The following ADGRB3 variants were observed in gnomAD, a reference collection of about 807,000 sequenced individuals.
ADGRB3 encodes the protein adhesion G protein-coupled receptor B3.
In ADGRB3, 37 loss-of-function variants were observed where a neutral mutation model predicts 193.4. The observed-to-expected ratio is 0.19, with a 90% CI of 0.15 to 0.25. The LOEUF is 0.25. Among genes scored for constraint, ADGRB3 ranks in the 10% least tolerant of loss-of-function variants. The pLI is 1.00. For synonymous variants in ADGRB3, 690 were observed against 644.2 expected (o/e 1.07, Z -1.08); for missense variants, 1,637 against 1,852.9 (o/e 0.88, Z 2.14).
intron 3 of ADGRB3, among the ~76,000 whole-genome samples, chr6:68,773,819 A>G (rs1766685047): frequency 6.6e-6 from 1 of 152,112 alleles, no homozygotes; most frequent in Non-Finnish European, 1.5e-5. Flanking sequence ...GGTAGCAGCA[A>G]GACCTGGAGA....
intron 3 of ADGRB3, among the ~76,000 whole-genome samples, chr6:68,714,501 A>T (rs894492396): frequency 2.0e-5 from 3 of 151,834 alleles, no homozygotes; most frequent in Non-Finnish European, 4.4e-5. Context: ...GAGGAGGTAG[A>T]AAAAACACAG....
chr6:69,006,838 C>CT lies in ADGRB3; in HGVS notation c.1930-7192dup, dbSNP rs970014363. 2.7e-4 allele frequency among the ~76,000 whole-genome samples: 41 copies of CT among 151,924 alleles called. No homozygotes were observed. The East Asian group carries it at 5.0e-3, about 19-fold the overall frequency. Reference sequence around the variant, plus strand: ...CCTGCTTTCTTTCTTACTTCGTCATCTTTTTTTTATTTATTTCTCTTCTTA... The same window carrying CT: ...CCTGCTTTCTTTCTTACTTCGTCATCTTTTTTTTTATTTATTTCTCTTCTTA... On this transcript the variant is annotated intron_variant, in intron 11 of 31. Transcript: ENST00000370598.
At chr6:69,357,563 A>G (rs1158067782) in intron 28 of ADGRB3, among the ~76,000 whole-genome samples, 1 of 151,982 alleles carries the variant, frequency 6.6e-6, no homozygotes, top group Non-Finnish European at 1.5e-5. Flanking sequence ...CCTTACTGCC[A>G]GCAGACCTCC....
At chr6:69,000,613 A>G (rs1769546232) in intron 11 of ADGRB3, among the ~76,000 whole-genome samples, 1 of 152,168 alleles carries the variant, frequency 6.6e-6, no homozygotes, top group Non-Finnish European at 1.5e-5. Flanking sequence ...AAAAGTATGA[A>G]ACATGTGGCA....
intron 20 of ADGRB3, among the ~76,000 whole-genome samples, chr6:69,280,559 A>C (rs1457554039): frequency 6.6e-6 from 1 of 152,210 alleles, no homozygotes; most frequent in Non-Finnish European, 1.5e-5. Flanking sequence ...AGATAATAAT[A>C]AATCTACTTC....
intron 3 of ADGRB3, among the ~76,000 whole-genome samples, chr6:68,860,241 T>G (rs1428116552): frequency 6.6e-6 from 1 of 152,168 alleles, no homozygotes; most frequent in African/African-American, 2.4e-5. Context: ...TTTATTTTAT[T>G]TTACTTTTTA....
chr6:69,029,451 C>T (rs1192773272), intron 13 of ADGRB3, among the ~76,000 whole-genome samples: 1 of 152,166 alleles, frequency 6.6e-6, no homozygotes, highest in East Asian at 1.9e-4. Flanking sequence ...CATTCTAAGG[C>T]ACATAATTTC....
intron 17 of ADGRB3, among the ~76,000 whole-genome samples, chr6:69,118,496 C>G (rs1264948706): frequency 1.3e-5 from 2 of 152,130 alleles, no homozygotes; most frequent in Non-Finnish European, 2.9e-5. Context: ...CACCCATCTT[C>G]TCTCCTCCTT....
chr6:69,133,156 G>A (rs1290427409), intron 17 of ADGRB3, among the ~76,000 whole-genome samples: 1 of 152,002 alleles, frequency 6.6e-6, no homozygotes, highest in Non-Finnish European at 1.5e-5. Flanking sequence ...TTCTAATTCT[G>A]TGAAGAAAGT....
intron 26 of ADGRB3, among the ~76,000 whole-genome samples, chr6:69,340,708 T>G (rs1041830111): frequency 1.3e-5 from 2 of 152,176 alleles, no homozygotes; most frequent in African/African-American, 4.8e-5. Flanking sequence ...GGTGGTTTGC[T>G]GCACCCATCA....
intron 22 of ADGRB3, 127 bp from the exon 23 acceptor site, chr6:69,330,379 A>T: frequency 1.9e-6 from 1 of 526,270 alleles, no homozygotes; most frequent in Non-Finnish European, 3.2e-6. Context: ...TGTATTTTTT[A>T]TTACAAATGT....
intron 3 of ADGRB3, among the ~76,000 whole-genome samples, chr6:68,825,625 G>C (rs1767828637): frequency 6.6e-6 from 1 of 152,088 alleles, no homozygotes; most frequent in Non-Finnish European, 1.5e-5. Flanking sequence ...TGTGTCAAGG[G>C]AGAGACCAGG....
chr6:68,671,996 G>T (rs949113945), intron 3 of ADGRB3, among the ~76,000 whole-genome samples: 1 of 151,948 alleles, frequency 6.6e-6, no homozygotes, highest in Non-Finnish European at 1.5e-5. Context: ...ATCTTGGTAG[G>T]TTGTATGCAT....
At chr6:68,754,525 T>C (rs1411270116) in intron 3 of ADGRB3, among the ~76,000 whole-genome samples, 2 of 152,230 alleles carry the variant, frequency 1.3e-5, no homozygotes, top group African/African-American at 2.4e-5. Context: ...ATTATTTGTA[T>C]TATTTTCTTG....
In ADGRB3 at chr6:69,229,806, C is replaced by T. The variant is rs12527642; in HGVS notation, c.2481-3484C>T. Among the ~76,000 whole-genome samples, 184 of 152,230 alleles carry T rather than the reference C, an allele frequency of 1.2e-3. 3 individuals carry two copies. The Middle Eastern group carries it at 0.034, about 28-fold the overall frequency. The stretch of plus-strand genomic sequence containing the variant: ...TTAAAACTTCATGAAACCAAAAACT[C>T]AACCAAATACTCAGATCCAAAAAGA... On this transcript the variant is annotated intron_variant, in intron 17 of 31. Transcript: ENST00000370598.
At chr6:69,126,440 G>A (rs545730325) in intron 17 of ADGRB3, among the ~76,000 whole-genome samples, 22 of 152,284 alleles carry the variant, frequency 1.4e-4, no homozygotes, top group Admixed American at 3.3e-4. Flanking sequence ...CACTGCTGTC[G>A]TTCTCAGGCC....
chr6:68,881,177 GT>G (rs11396551), intron 3 of ADGRB3, among the ~76,000 whole-genome samples: 54 of 149,490 alleles, frequency 3.6e-4, no homozygotes, highest in East Asian at 9.9e-4. Context: ...TCCTTATAAA[GT>G]TTTTTTTTTT....
chr6:69,004,967 G>A (rs1393311941), intron 11 of ADGRB3, among the ~76,000 whole-genome samples: 2 of 152,060 alleles, frequency 1.3e-5, no homozygotes, highest in African/African-American at 4.8e-5. Flanking sequence ...GATGTGTGCA[G>A]GCTTCTCTCA....
At chr6:69,301,086 T>C (rs1767940726) in intron 20 of ADGRB3, among the ~76,000 whole-genome samples, 1 of 151,674 alleles carries the variant, frequency 6.6e-6, no homozygotes, top group African/African-American at 2.4e-5. Flanking sequence ...ATTAGAGAGT[T>C]GCAACAATTT....
Sources: gnomAD v4.1 joint callset for allele counts (sites outside exome capture counted in the v4.1 genomes callset) on GRCh38, gnomAD v4.1.1 for gene constraint, MANE v1.5 for transcripts, NCBI Gene and HGNC (gene_info 2026-07-23, HGNC 2026-07-21) for gene names.